The following RELCH variants were observed in gnomAD, a reference collection of about 807,000 sequenced individuals.
RELCH encodes RAB11 binding and LisH domain, coiled-coil and HEAT repeat containing.
RELCH carries 41 observed loss-of-function variants against 150.3 expected under a neutral mutation model. The ratio of observed to expected loss-of-function variants is 0.27; its 90% CI spans 0.21 to 0.35. RELCH has a LOEUF of 0.35. RELCH is among the 10% of genes least tolerant of loss of function. The pLI is 1.00. For missense variants in RELCH, 1,092 were observed against 1,467.8 expected, an observed-to-expected ratio of 0.74 and a Z score of 4.18; for synonymous variants, 478 against 531.8, an observed-to-expected ratio of 0.90 and a Z score of 1.39.
At chr18:62,214,739 G>A (rs1478481519) in intron 2 of RELCH, among the ~76,000 whole-genome samples, 1 of 152,174 alleles carries the variant, frequency 6.6e-6, no homozygotes, top group Non-Finnish European at 1.5e-5. Context: ...ACCCTCTGGA[G>A]CTGCACCACA....
In RELCH at chr18:62,309,233, T is replaced by G. The variant is rs1481942006; in HGVS notation, c.*3699T>G. ...GCCTGGGCGAGAGTGAGACTACATC[T>G]CAAAAAAAAAAAATAATAATAGAGA... On this transcript the variant is annotated 3_prime_UTR_variant, in exon 29 of 29. Transcript: ENST00000644646. 9.1e-5 allele frequency: 4 copies of G among 43,896 alleles called. No individual in the cohort carries two copies. Among genetic ancestry groups the G allele is most frequent in the Admixed American group, 8.6e-4 (3 of 3,478 alleles). The allele number at this position is 43,896 out of a possible 1,614,324, so 2.7% of individuals were successfully genotyped here.
At chr18:62,300,137 C>T (rs2045599359) in intron 28 of RELCH, 1 of 152,176 alleles carries the variant, frequency 6.6e-6, no homozygotes, top group African/African-American at 2.4e-5. Context: ...GAAACTGAGT[C>T]ATTTGTCCTA....
In RELCH at chr18:62,302,647, C is replaced by T. The variant is rs187175276; in HGVS notation, c.3531-2767C>T. ...GCAATTCTCCTGCCTTAGCCTCCCT[C>T]CCGAGTAGCTGGGATTACAGGCGTG... On this transcript the variant is annotated intron_variant, in intron 28 of 28. Transcript: ENST00000644646. Among the ~76,000 whole-genome samples, 357 of 152,210 alleles carry T rather than the reference C, an allele frequency of 2.3e-3. 1 individual carries two copies. Among genetic ancestry groups the T allele is most frequent in the Middle Eastern group, 3.4e-3 (1 of 294 alleles).
intron 2 of RELCH, among the ~76,000 whole-genome samples, chr18:62,216,173 C>A (rs1400302822): frequency 6.6e-6 from 1 of 151,820 alleles, no homozygotes; most frequent in African/African-American, 2.4e-5. Flanking sequence ...CATTATTTAA[C>A]TTATTTTAGG....
At chr18:62,230,948 C>T (rs2041528539) in intron 8 of RELCH, among the ~76,000 whole-genome samples, 1 of 152,040 alleles carries the variant, frequency 6.6e-6, no homozygotes, top group Non-Finnish European at 1.5e-5. Context: ...CTATAAATGC[C>T]ATTTTTTCAC....
chr18:62,238,474 C>G (rs980387917), intron 10 of RELCH, among the ~76,000 whole-genome samples: 2 of 151,942 alleles, frequency 1.3e-5, no homozygotes, highest in Non-Finnish European at 2.9e-5. Flanking sequence ...ACAATTTCTG[C>G]TTTGACCGCA....
rs2045894588 is a variant in RELCH at position 62,306,861 on chromosome 18, G to A, written c.*1327G>A. Reference sequence around the variant, plus strand: ...TGTATAAACTGGTTTAATACATTTGGAACATAGTTGGATTACATTCATTTC... The same window carrying A: ...TGTATAAACTGGTTTAATACATTTGAAACATAGTTGGATTACATTCATTTC... On this transcript the variant is annotated 3_prime_UTR_variant, in exon 29 of 29. Transcript: ENST00000644646. The A allele has an allele frequency of 6.6e-6, 1 of 152,608 alleles. No individual in the cohort carries two copies. The highest frequency in any genetic ancestry group is 6.5e-5 in the Admixed American group (1 of 15,286). The allele number at this position is 152,608 out of a possible 1,614,324, so 9.5% of individuals were successfully genotyped here.
chr18:62,245,350 G>A (rs1321760735), intron 11 of RELCH, among the ~76,000 whole-genome samples: 8 of 152,132 alleles, frequency 5.3e-5, no homozygotes, highest in Admixed American at 1.3e-4. Flanking sequence ...TCGGCCAGGC[G>A]CCATGGCTCA....
intron 10 of RELCH, among the ~76,000 whole-genome samples, chr18:62,242,026 C>T (rs1186297065): frequency 6.6e-6 from 1 of 152,112 alleles, no homozygotes; most frequent in Non-Finnish European, 1.5e-5. Context: ...CTGTCAGAAA[C>T]AGACCACTCT....
intron 10 of RELCH, among the ~76,000 whole-genome samples, chr18:62,243,465 A>T (rs2042249801): frequency 6.6e-6 from 1 of 152,142 alleles, no homozygotes; most frequent in Non-Finnish European, 1.5e-5. Context: ...ACCTACAGAG[A>T]TGCCCAAACA....
intron 24 of RELCH, among the ~76,000 whole-genome samples, chr18:62,280,972 T>A (rs2044483546): frequency 6.6e-6 from 1 of 152,188 alleles, no homozygotes; most frequent in Non-Finnish European, 1.5e-5. Flanking sequence ...GAGAATATAG[T>A]CATGGGTTCT....
At chr18:62,217,131 T>C (rs558168649) in intron 2 of RELCH, among the ~76,000 whole-genome samples, 1 of 152,160 alleles carries the variant, frequency 6.6e-6, no homozygotes, top group East Asian at 1.9e-4. Flanking sequence ...AAAGTGATTA[T>C]ATGTTCATTA....
intron 8 of RELCH, 108 bp from the exon 9 acceptor site, chr18:62,231,086 G>C: frequency 2.8e-6 from 2 of 712,654 alleles, no homozygotes; most frequent in Non-Finnish European, 2.3e-6. Context: ...TAGCTTTGTG[G>C]GGTAGGATTA....
At chr18:62,264,229 T>G in intron 17 of RELCH, 84 bp downstream of exon 17, 1 of 1,131,374 alleles carries the variant, frequency 8.8e-7, no homozygotes, top group East Asian at 2.8e-5. Flanking sequence ...ATAACAAAAC[T>G]TTTAAAATGT....
intron 19 of RELCH, 162 bp from the exon 20 acceptor site, chr18:62,268,707 T>G (rs1300557686): frequency 5.1e-6 from 2 of 389,418 alleles, no homozygotes; most frequent in East Asian, 9.1e-5. Flanking sequence ...AAACACTAAG[T>G]TGTATTTTAC....
Position 62,264,062 on chromosome 18 carries a change from A to C in RELCH, c.2424A>C (p.Ala808=). Reference sequence around the variant, plus strand: ...TTATCGGAAGTCGTGAGCAATTGGCAGTGCTGCTGCAACTTTATGACTACC... The same window carrying C: ...TTATCGGAAGTCGTGAGCAATTGGCCGTGCTGCTGCAACTTTATGACTACC... ...STIIGSREQL[A]VLLQLYDYQL... is the part of the protein sequence containing the mutation. The change falls in exon 17 of 29, where the codon GCA becomes GCC. Residue 808 remains alanine (A), a synonymous_variant. Transcript: ENST00000644646. 1.9e-6 allele frequency: 3 copies of C among 1,607,588 alleles called. No homozygotes were observed. Among genetic ancestry groups the C allele is most frequent in the Non-Finnish European group, 2.5e-6 (3 of 1,177,446 alleles).
At position 62,211,201 on chromosome 18, in the gene RELCH, A is replaced by G; in HGVS notation, c.575A>G (p.Tyr192Cys). ...CTTGATTCTTTAGACTTTGCAAGAT[A>G]TTCAGATGATGGTAACAGGGAAACA... ...STLDSLDFAR[Y>C]SDDGNRETDE... Residue 192 changes from tyrosine (Y) to cysteine (C), a missense_variant, in exon 2 of 29, where the codon TAT (tyrosine) becomes TGT (cysteine). Tyr to Cys is a radical substitution (Grantham distance 194, BLOSUM62 -2). Around this residue, in one of 4 missense-constraint regions of RELCH, gnomAD observed 190 missense variants for 276.2 expected, o/e 0.69. Transcript: ENST00000644646. 2 of 1,610,436 alleles carry G rather than the reference A, an allele frequency of 1.2e-6. No homozygotes were observed. The highest frequency in any genetic ancestry group is 1.7e-6 in the Non-Finnish European group (2 of 1,177,100).
intron 20 of RELCH, among the ~76,000 whole-genome samples, chr18:62,272,517 A>G (rs1568414645): frequency 6.6e-6 from 1 of 152,088 alleles, no homozygotes; most frequent in Non-Finnish European, 1.5e-5. Flanking sequence ...GTAAAGAGAT[A>G]AGAACTTTTC....
chr18:62,196,209 T>TA (rs2039031243), intron 1 of RELCH, among the ~76,000 whole-genome samples: 2 of 151,882 alleles, frequency 1.3e-5, no homozygotes, highest in South Asian at 4.2e-4. Context: ...AGAGAGAAAA[T>TA]ACCAGCGCAA....
Sources: allele counts gnomAD v4.1 joint callset (sites outside exome capture counted in the v4.1 genomes callset), GRCh38; gene constraint gnomAD v4.1.1; regional missense constraint gnomAD v4.1.1; transcripts MANE v1.5; gene names NCBI Gene and HGNC (gene_info 2026-07-23, HGNC 2026-07-21).